NBEA: variants seen among roughly 807,000 people sequenced by gnomAD.
The protein encoded by NBEA is neurobeachin, also known as lysosomal-trafficking regulator 2.
NBEA carries 44 observed loss-of-function variants against 343.4 expected under a neutral mutation model. The observed-to-expected ratio is 0.13, with a 90% confidence interval of 0.10 to 0.16. NBEA has a LOEUF of 0.16. Ranked by LOEUF, NBEA falls within the 10% of genes least tolerant of loss-of-function variation. The pLI is 1.00. For missense variants in NBEA, 2,555 were observed against 3,631.3 expected (o/e 0.70, Z 7.62); for synonymous variants, 1,175 against 1,238.7 (o/e 0.95, Z 1.08).
At chr13:35,224,229 C>T (rs904772373) in intron 33 of NBEA, among the ~76,000 whole-genome samples, 2 of 152,108 alleles carry the variant, frequency 1.3e-5, no homozygotes, top group African/African-American at 4.8e-5. Flanking sequence ...TATTTTAATG[C>T]CCATAACCTT....
At chr13:35,251,139 C>T in intron 34 of NBEA, 1 of 224,200 alleles carries the variant, frequency 4.5e-6, no homozygotes, top group South Asian at 7.8e-5. Context: ...GGGCACAGAG[C>T]TGTTTTCTTT....
chr13:35,620,285 T>C (rs9544843), intron 48 of NBEA, among the ~76,000 whole-genome samples: 72,553 of 151,802 alleles, frequency 0.48, 18,009 homozygotes, highest in African/African-American at 0.6. Context: ...AAAAGGAGAC[T>C]GTGAGTACCT....
chr13:34,952,513 A>G (rs946759320), intron 1 of NBEA, among the ~76,000 whole-genome samples: 7 of 152,234 alleles, frequency 4.6e-5, no homozygotes, highest in African/African-American at 1.7e-4. Flanking sequence ...GTATGCATTA[A>G]TATATTATAC....
chr13:35,438,005 G>A (rs1323340893), intron 39 of NBEA, among the ~76,000 whole-genome samples: 1 of 152,000 alleles, frequency 6.6e-6, no homozygotes, highest in Non-Finnish European at 1.5e-5. Flanking sequence ...GTGGAACAAT[G>A]TTTCATCAAA....
intron 44 of NBEA, among the ~76,000 whole-genome samples, chr13:35,562,208 T>C (rs1378850720): frequency 1.3e-5 from 2 of 152,098 alleles, no homozygotes; most frequent in East Asian, 1.9e-4. Context: ...AAACACTTGA[T>C]TTTTTTCAAA....
intron 41 of NBEA, among the ~76,000 whole-genome samples, chr13:35,497,030 A>T (rs1280971113): frequency 6.6e-6 from 1 of 152,096 alleles, no homozygotes; most frequent in South Asian, 2.1e-4. Context: ...AGCACTGTGA[A>T]TTACGCAAAT....
intron 16 of NBEA, among the ~76,000 whole-genome samples, chr13:35,122,577 G>A (rs2066863180): frequency 7.4e-6 from 1 of 135,882 alleles, no homozygotes; most frequent in Non-Finnish European, 1.6e-5. Flanking sequence ...TTGTGGGGTC[G>A]GGGGAGGGGG....
intron 34 of NBEA, among the ~76,000 whole-genome samples, chr13:35,286,154 TA>T (rs539540362): frequency 1.5e-3 from 221 of 152,260 alleles, no homozygotes; most frequent in African/African-American, 5.2e-3. Flanking sequence ...TATTTGCTTA[TA>T]TTATCTGCCC....
intron 34 of NBEA, among the ~76,000 whole-genome samples, chr13:35,284,767 T>C (rs1352698435): frequency 6.6e-6 from 1 of 152,136 alleles, no homozygotes; most frequent in Non-Finnish European, 1.5e-5. Flanking sequence ...ATGGTAACAT[T>C]GAAAGTAAAT....
chr13:35,209,664 GC>G (rs1193377911), intron 32 of NBEA, among the ~76,000 whole-genome samples: 1 of 151,826 alleles, frequency 6.6e-6, no homozygotes, highest in Admixed American at 6.6e-5. Flanking sequence ...AAACTGTATA[GC>G]CTTGAACTTT....
At chr13:35,318,225 T>C (rs1403713755) in intron 36 of NBEA, among the ~76,000 whole-genome samples, 3 of 152,192 alleles carry the variant, frequency 2.0e-5, no homozygotes, top group South Asian at 2.1e-4. Flanking sequence ...CGGTATGATA[T>C]TGGCTGTGGG....
chr13:35,148,172 A>G (rs1383436170), intron 18 of NBEA, among the ~76,000 whole-genome samples: 1 of 152,186 alleles, frequency 6.6e-6, no homozygotes, highest in Non-Finnish European at 1.5e-5. Context: ...GAGTCACAAA[A>G]TAGTGATAGC....
chr13:35,062,223 A>T (rs2063492473), intron 8 of NBEA, among the ~76,000 whole-genome samples: 1 of 151,762 alleles, frequency 6.6e-6, no homozygotes, highest in Non-Finnish European at 1.5e-5. Flanking sequence ...GAACTGAAAA[A>T]TATATCGGAA....
rs555005350 is a variant in NBEA at position 35,317,599 on chromosome 13, G to A, written c.5903+8007G>A. Among the ~76,000 whole-genome samples, 91 of 152,192 alleles carry A rather than the reference G, an allele frequency of 6.0e-4. 1 individual carries two copies. The highest frequency in any genetic ancestry group is 2.1e-3 in the African/African-American group (89 of 41,528). ...TCTTGGCTATACGGGCTCTTTTTTG[G>A]TTCCATATTAAATTGAAAGTAGTTT... On this transcript the variant is annotated intron_variant, in intron 36 of 58. Transcript: ENST00000379939.
At chr13:35,295,980 C>T (rs1289503247) in intron 35 of NBEA, among the ~76,000 whole-genome samples, 1 of 152,146 alleles carries the variant, frequency 6.6e-6, no homozygotes, top group Non-Finnish European at 1.5e-5. Context: ...ACCTGTGATA[C>T]ATACAATACT....
chr13:34,977,313 C>CTT (rs754986587), intron 1 of NBEA, among the ~76,000 whole-genome samples: 6,860 of 142,614 alleles, frequency 0.048, 243 homozygotes, highest in Non-Finnish European at 0.071. Flanking sequence ...ACATAATTAT[C>CTT]TTTTTTTTTT....
chr13:35,528,032 G>C (rs1238208686), intron 41 of NBEA, among the ~76,000 whole-genome samples: 1 of 151,818 alleles, frequency 6.6e-6, no homozygotes, highest in Non-Finnish European at 1.5e-5. Flanking sequence ...ACCCCACAAT[G>C]GTTCCATTTT....
intron 1 of NBEA, among the ~76,000 whole-genome samples, chr13:34,971,122 A>G (rs1022326754): frequency 1.3e-5 from 2 of 150,918 alleles, no homozygotes; most frequent in Admixed American, 6.6e-5. Context: ...CAGGTAATTT[A>G]TTCTTTTTGT....
chr13:35,542,517 T>A (rs1195794372), intron 41 of NBEA, among the ~76,000 whole-genome samples: 1 of 152,206 alleles, frequency 6.6e-6, no homozygotes, highest in African/African-American at 2.4e-5. Context: ...ATGATAGTAT[T>A]CATTATTAAT....
Sources: gnomAD v4.1 joint callset for allele counts (sites outside exome capture counted in the v4.1 genomes callset) on GRCh38, gnomAD v4.1.1 for gene constraint, MANE v1.5 for transcripts, NCBI Gene and HGNC (gene_info 2026-07-23, HGNC 2026-07-21) for gene names.